The following SRGAP1 variants were observed in gnomAD, a reference collection of about 807,000 sequenced individuals.
The protein encoded by SRGAP1 is SLIT-ROBO Rho GTPase activating protein 1.
SRGAP1 carries 43 observed loss-of-function variants against 121.9 expected under a neutral mutation model. That is an observed-to-expected ratio of 0.35 (90% confidence interval 0.28 to 0.46). The LOEUF (loss-of-function observed/expected upper bound fraction) is 0.46. Among genes scored for constraint, SRGAP1 ranks in the 20% least tolerant of loss-of-function variants. SRGAP1 has a pLI of 1.00. For missense variants in SRGAP1, 1,102 were observed against 1,350.9 expected (o/e 0.82, Z 2.89); for synonymous variants, 447 against 485.4 (o/e 0.92, Z 1.04).
intron 6 of SRGAP1, among the ~76,000 whole-genome samples, chr12:64,050,853 C>G (rs968481264): frequency 6.6e-5 from 10 of 152,190 alleles, no homozygotes; most frequent in Non-Finnish European, 1.5e-4. Flanking sequence ...TCCCAAGTAG[C>G]TGGGATTACA....
intron 11 of SRGAP1, 28 bp from the exon 12 acceptor site, chr12:64,091,248 G>A: frequency 1.4e-6 from 2 of 1,473,410 alleles, no homozygotes; most frequent in South Asian, 1.3e-5. Flanking sequence ...TTTCTGCCAT[G>A]CTCAGTAATT....
chr12:64,127,779 A>G, intron 20 of SRGAP1, 55 bp downstream of exon 20: 1 of 1,604,840 alleles, frequency 6.2e-7, no homozygotes, highest in Non-Finnish European at 8.5e-7. Flanking sequence ...TGGGGCCATG[A>G]GGAGCCACTG....
rs143588799 is a variant in SRGAP1, at chr12:64,026,155, G to A, written c.489+9143G>A. On this transcript the variant is annotated intron_variant, in intron 4 of 21. Coordinates refer to ENST00000355086, the MANE Select transcript of SRGAP1 (RefSeq NM_020762.4). ...CTTAGAAATGAGAATGTGTTAGGAAGTATAGTTTAGTGAAAAAAAAATTCT... is the reference window on the plus strand; with the variant it reads ...CTTAGAAATGAGAATGTGTTAGGAAATATAGTTTAGTGAAAAAAAAATTCT... 1.7e-4 allele frequency among the ~76,000 whole-genome samples: 26 copies of A among 152,100 alleles called. No individual in the cohort carries two copies. In the East Asian group the frequency reaches 4.8e-3, roughly 28 times the overall value.
At chr12:63,884,797 C>T (rs1900319623) in intron 1 of SRGAP1, among the ~76,000 whole-genome samples, 1 of 149,780 alleles carries the variant, frequency 6.7e-6, no homozygotes, top group African/African-American at 2.5e-5. Flanking sequence ...TCTCGGCTCA[C>T]TGCAAGCTCC....
intron 9 of SRGAP1, among the ~76,000 whole-genome samples, chr12:64,079,903 G>T (rs2035805652): frequency 1.3e-5 from 2 of 152,038 alleles, no homozygotes; most frequent in Non-Finnish European, 2.9e-5. Context: ...AAAGTGGCTG[G>T]ATTTTAGATC....
chr12:64,091,972 C>T (rs1192262792), intron 12 of SRGAP1: 1 of 1,475,102 alleles, frequency 6.8e-7, no homozygotes, highest in Non-Finnish European at 9.1e-7. Flanking sequence ...CTGTTGGTAT[C>T]ATTTTCAAGT....
At chr12:64,127,795 C>T (rs2036718870) in intron 20 of SRGAP1, 66 bp from the exon 21 acceptor site, 9 of 1,600,278 alleles carry the variant, frequency 5.6e-6, no homozygotes, top group African/African-American at 2.7e-5. Flanking sequence ...CACTGCACCT[C>T]AGCCTTGCAG....
At chr12:64,096,732 A>T (rs1015775105) in intron 14 of SRGAP1, among the ~76,000 whole-genome samples, 7 of 152,330 alleles carry the variant, frequency 4.6e-5, no homozygotes, top group Non-Finnish European at 1.0e-4. Context: ...TGTGCTGTGA[A>T]CACCACCATG....
chr12:64,076,049 G>A (rs948426124), intron 8 of SRGAP1, among the ~76,000 whole-genome samples: 1 of 152,102 alleles, frequency 6.6e-6, no homozygotes, highest in Non-Finnish European at 1.5e-5. Context: ...GTGACACAGG[G>A]AACCATATCT....
intron 18 of SRGAP1, among the ~76,000 whole-genome samples, chr12:64,122,740 A>T (rs1350749221): frequency 6.6e-6 from 1 of 152,164 alleles, no homozygotes; most frequent in Non-Finnish European, 1.5e-5. Context: ...GCTACTAAAA[A>T]TACAAAAATT....
intron 1 of SRGAP1, among the ~76,000 whole-genome samples, chr12:63,901,074 C>A (rs2029905240): frequency 6.6e-6 from 1 of 151,686 alleles, no homozygotes; most frequent in Non-Finnish European, 1.5e-5. Context: ...ATTTATTTGC[C>A]AGGCATTTTG....
At position 64,109,057 on chromosome 12, in the gene SRGAP1, G is replaced by A. The variant is rs761690075; in HGVS notation, c.1919+20G>A. ...CAATCAGTAAGTACCTGAATGCTCT[G>A]ACAAAAGGCCCATCTGAATTCTGTC... On this transcript the variant is annotated intron_variant, in intron 16 of 21. Coordinates refer to ENST00000355086, the MANE Select transcript of SRGAP1 (RefSeq NM_020762.4). The A allele has an allele frequency of 6.9e-7, 1 of 1,444,736 alleles. No individual in the cohort carries two copies. Among genetic ancestry groups the A allele is most frequent in the Admixed American group, 1.9e-5 (1 of 53,046 alleles). The allele number at this position is 1,444,736 out of a possible 1,614,324, so 89.5% of individuals were successfully genotyped here.
At chr12:63,856,852 C>A (rs1014283504) in intron 1 of SRGAP1, among the ~76,000 whole-genome samples, 1 of 152,082 alleles carries the variant, frequency 6.6e-6, no homozygotes, top group Admixed American at 6.6e-5. Flanking sequence ...ATTGGAATTG[C>A]GTGAAATTAT....
intron 1 of SRGAP1, among the ~76,000 whole-genome samples, chr12:63,930,443 T>C (rs2031435175): frequency 6.6e-6 from 1 of 151,928 alleles, no homozygotes. Context: ...AAGCAAGCAT[T>C]ACTCAAATTG....
At chr12:63,887,336 G>C (rs1336911913) in intron 1 of SRGAP1, 2 of 152,386 alleles carry the variant, frequency 1.3e-5, no homozygotes, top group Admixed American at 6.5e-5. Flanking sequence ...GCAGGGGAGT[G>C]GGGGATTGGT....
At chr12:63,885,790 G>T (rs1047671667) in intron 1 of SRGAP1, among the ~76,000 whole-genome samples, 1 of 152,172 alleles carries the variant, frequency 6.6e-6, no homozygotes, top group African/African-American at 2.4e-5. Flanking sequence ...TATAACAAAT[G>T]ACTGCACCAA....
chr12:64,088,413 C>A (rs1388547041), intron 11 of SRGAP1, among the ~76,000 whole-genome samples: 1 of 152,062 alleles, frequency 6.6e-6, no homozygotes, highest in African/African-American at 2.4e-5. Flanking sequence ...TTTTAAAAAG[C>A]AGAAATGGAA....
At chr12:63,961,384 C>G (rs911263920) in intron 1 of SRGAP1, among the ~76,000 whole-genome samples, 2 of 152,212 alleles carry the variant, frequency 1.3e-5, no homozygotes, top group African/African-American at 4.8e-5. Flanking sequence ...CCCCTTCTTT[C>G]CTCACCCCCA....
At chr12:64,114,478 G>T (rs10878105) in intron 17 of SRGAP1, among the ~76,000 whole-genome samples, 67,702 of 151,558 alleles carry the variant, frequency 0.45, 15,650 homozygotes, top group East Asian at 0.63. Context: ...AGCCTCCCAA[G>T]TAGATGGGAT....
Sources: gnomAD v4.1 joint callset for allele counts (sites outside exome capture counted in the v4.1 genomes callset) on GRCh38, gnomAD v4.1.1 for gene constraint, MANE v1.5 for transcripts, NCBI Gene and HGNC (gene_info 2026-07-23, HGNC 2026-07-21) for gene names.